Variants in LRRC45 observed in about 807,000 individuals in gnomAD.
The protein encoded by LRRC45 is leucine rich repeat containing 45, also known as leucine-rich repeat-containing protein 45.
In LRRC45, 73 loss-of-function variants were observed where a neutral mutation model predicts 85.4. The ratio of observed to expected loss-of-function variants is 0.85; its 90% CI spans 0.71 to 1.04. The LOEUF (loss-of-function observed/expected upper bound fraction) is 1.04, where lower values mean the gene tolerates loss of function less well. Ranked by LOEUF, LRRC45 falls within the 50% of genes least tolerant of loss-of-function variation. The probability of loss-of-function intolerance (pLI) is 0.00; values close to 1 mark genes in which losing one functional copy is unlikely to be tolerated. For missense variants in LRRC45, 937 were observed against 883.3 expected (o/e 1.06, Z -0.77); for synonymous variants, 429 against 386.0 (o/e 1.11, Z -1.31).
At position 82,026,564 on chromosome 17, in the gene LRRC45, T is replaced by TGTGTGTGTGTG. The variant is rs1555644848; in HGVS notation, c.662-335_662-334insGTGTGTGTGTG. 6.1e-3 allele frequency among the ~76,000 whole-genome samples: 839 copies of TGTGTGTGTGTG among 137,562 alleles called. 11 individuals carry two copies. The highest frequency in any genetic ancestry group is 0.022 in the African/African-American group (788 of 36,528). The allele number at this position is 137,562 out of a possible 152,430, so 90.2% of individuals were successfully genotyped here. ...GCAGCCCCGGGGTGACACAGCTCCT[T>TGTGTGTGTGTG]TGTGTGTGTGTGTGTGTGTGTGTGT... On this transcript the variant is annotated intron_variant, in intron 5 of 16. Transcript: ENST00000306688.
chr17:82,025,618 G>C, intron 5 of LRRC45, 111 bp downstream of exon 5: 7 of 1,341,922 alleles, frequency 5.2e-6, no homozygotes, highest in Non-Finnish European at 6.9e-6. Flanking sequence ...CAGCCTGAGA[G>C]CCCAGGGGAA....
chr17:82,028,112 A>G lies in LRRC45; in HGVS notation c.1013A>G (p.Gln338Arg), dbSNP rs2043384759. The change falls in exon 9 of 17, where the codon CAG becomes CGG. Residue 338 changes from glutamine (Q) to arginine (R), a missense_variant. Physicochemically the swap from Gln to Arg is conservative, Grantham distance 43. Transcript: ENST00000306688. ...TAEQEQLSLS[Q>R]RQAKELKLEQ... ...GAGCAGGAGCAGCTGAGCCTGTCAC[A>G]GAGGCAGGCCAAGGAGCTCAAGCTG... is the stretch of plus-strand genomic sequence containing the variant. 6.3e-7 allele frequency: 1 copy of G among 1,575,510 alleles called. No individual in the cohort carries two copies. The highest frequency in any genetic ancestry group is 8.6e-7 in the Non-Finnish European group (1 of 1,161,682).
At position 82,028,303 on chromosome 17, in the gene LRRC45, C is replaced by T; in HGVS notation, c.1117C>T (p.Gln373Ter). 1.9e-6 allele frequency: 3 copies of T among 1,593,394 alleles called. No individual in the cohort carries two copies. The highest frequency in any genetic ancestry group is 2.6e-6 in the Non-Finnish European group (3 of 1,170,772). Reference sequence around the variant, plus strand: ...TGCCAATGAAAAGAACCTGCTTCTGCAAAACCAGGTAGCTGTGGTGGATGG... The same window carrying T: ...TGCCAATGAAAAGAACCTGCTTCTGTAAAACCAGGTAGCTGTGGTGGATGG... ...SAANEKNLLL[Q>*]NQVDELERKF... The change falls in exon 10 of 17, where the codon CAA (glutamine) becomes TAA (stop). Residue 373 changes from glutamine to a stop codon, truncating the protein, a stop_gained. Coordinates refer to ENST00000306688, the MANE Select transcript of LRRC45 (RefSeq NM_144999.4). LOFTEE classifies it high-confidence loss of function.
At position 82,027,014 on chromosome 17, in the gene LRRC45, G is replaced by A. The variant is rs748862047; in HGVS notation, c.774+3G>A. 60 of 1,588,564 alleles carry A rather than the reference G, an allele frequency of 3.8e-5. No individual in the cohort carries two copies. In the Admixed American group the frequency reaches 1.0e-3, roughly 27 times the overall value. On this transcript the variant is annotated splice_donor_region_variant and intron_variant, in intron 6 of 16. Coordinates refer to ENST00000306688, the MANE Select transcript of LRRC45 (RefSeq NM_144999.4). Reference sequence around the variant, plus strand: ...TCCGGGAGGAGAAGTCCAAGCAGGTGAGGATGGCGCCTTCACTGACCTTGG... The same window carrying A: ...TCCGGGAGGAGAAGTCCAAGCAGGTAAGGATGGCGCCTTCACTGACCTTGG...
intron 16 of LRRC45, 49 bp downstream of exon 16, chr17:82,030,515 C>T (rs903236399): frequency 1.3e-6 from 2 of 1,524,970 alleles, no homozygotes; most frequent in Non-Finnish European, 1.8e-6. Context: ...GACGTGAGGC[C>T]AGCCAGAGAG....
chr17:82,027,732 A>T lies in LRRC45; in HGVS notation c.892A>T (p.Ile298Phe). ...AGCCCTGAATGAGAGGCACTCCATC[A>T]TCAACGCTCTCAAGGCCAAGTAAGT... ...QEALNERHSI[I>F]NALKAKLQMT... Residue 298 changes from isoleucine (I) to phenylalanine (F), a missense_variant, in exon 8 of 17, where the codon ATC becomes TTC. Coordinates refer to ENST00000306688, the MANE Select transcript of LRRC45 (RefSeq NM_144999.4). 6.2e-7 allele frequency: 1 copy of T among 1,611,182 alleles called. No homozygotes were observed. The highest frequency in any genetic ancestry group is 8.5e-7 in the Non-Finnish European group (1 of 1,179,252).
At chr17:82,026,311 C>T (rs2043367302) in intron 5 of LRRC45, among the ~76,000 whole-genome samples, 1 of 152,210 alleles carries the variant, frequency 6.6e-6, no homozygotes, top group Non-Finnish European at 1.5e-5. Flanking sequence ...ATGGCCCTTG[C>T]CTTTTGCGGT....
chr17:82,031,071 C>T lies in LRRC45; in HGVS notation c.*266C>T, dbSNP rs1350572624. 2.6e-6 allele frequency: 1 copy of T among 381,952 alleles called. No individual in the cohort carries two copies. Among genetic ancestry groups the T allele is most frequent in the Non-Finnish European group, 4.6e-6 (1 of 215,616 alleles). The allele number at this position is 381,952 out of a possible 1,614,324, so 23.7% of individuals were successfully genotyped here. A position where few individuals can be genotyped will look rare whatever the true frequency, so the allele number is the denominator to read the frequency against. On this transcript the variant is annotated 3_prime_UTR_variant, in exon 17 of 17. Transcript: ENST00000306688. The stretch of plus-strand genomic sequence containing the variant: ...TCCCGCGGGCGCGTCTCCCCCTCGC[C>T]TTTTGCGATGTCACCGTGAACGCTG...
rs372551546 is a variant in LRRC45 at position 82,025,089 on chromosome 17, G to A, written c.443G>A (p.Arg148Gln). ...CTGGCGGCCAACGGCGCCCTGCAGC[G>A]GCTGGACCTCCGCAACAACCAGATC... ...GGLAANGALQ[R>Q]LDLRNNQISH... Residue 148 changes from arginine (R) to glutamine (Q), a missense_variant, in exon 4 of 17, where the codon CGG becomes CAG. Coordinates refer to ENST00000306688, the MANE Select transcript of LRRC45 (RefSeq NM_144999.4). 32 of 1,610,694 alleles carry A rather than the reference G, an allele frequency of 2.0e-5. No homozygotes were observed. The highest frequency in any genetic ancestry group is 1.7e-4 in the Middle Eastern group (1 of 6,046).
rs1247149451 is a variant in LRRC45, at chr17:82,024,908, A to G, written c.354-92A>G. ...CAGGGGTAGGCAGAGGCTCCGGCCC[A>G]TCAGACCCCAAGCCCACACCCGTCC... On this transcript the variant is annotated intron_variant, in intron 3 of 16. Coordinates refer to ENST00000306688, the MANE Select transcript of LRRC45 (RefSeq NM_144999.4). 4.2e-6 allele frequency: 6 copies of G among 1,444,876 alleles called. No homozygotes were observed. In the East Asian group the frequency reaches 1.5e-4, roughly 37 times the overall value. The allele number at this position is 1,444,876 out of a possible 1,614,324, so 89.5% of individuals were successfully genotyped here.
At chr17:82,025,222 G>A in intron 4 of LRRC45, 44 bp downstream of exon 4, 1 of 1,551,454 alleles carries the variant, frequency 6.4e-7, no homozygotes, top group Non-Finnish European at 8.7e-7. Flanking sequence ...TCCCTCTGAG[G>A]CTGCCTCTGC....
Position 82,030,165 on chromosome 17 carries a change from A to G in LRRC45, c.1595A>G (p.Glu532Gly). ...ACLQQKQVVA[E>G]AQTRVSQLGL... ...CTACAGCAGAAGCAGGTGGTGGCCG[A>G]GGCCCAGACCCGGGTCAGCCAGCTG... Residue 532 changes from glutamate to glycine, a missense_variant, in exon 15 of 17, where the codon GAG (glutamate) becomes GGG (glycine). Transcript: ENST00000306688. 6.5e-7 allele frequency: 1 copy of G among 1,546,996 alleles called. No individual in the cohort carries two copies. Among genetic ancestry groups the G allele is most frequent in the Middle Eastern group, 1.8e-4 (1 of 5,548 alleles).
intron 3 of LRRC45, 49 bp downstream of exon 3, chr17:82,024,812 T>TGGCCCCGAGCACATGC: frequency 3.9e-6 from 6 of 1,543,666 alleles, no homozygotes; most frequent in Non-Finnish European, 5.2e-6. Flanking sequence ...GGTTGAGGAT[T>TGGCCCCGAGCACATGC]GGCCCCGAGC....
chr17:82,027,010 A>G lies in LRRC45; in HGVS notation c.773A>G (p.Gln258Arg). The G allele has an allele frequency of 6.3e-6, 10 of 1,593,576 alleles. No individual in the cohort carries two copies. The highest frequency in any genetic ancestry group is 8.5e-6 in the Non-Finnish European group (10 of 1,173,486). The change falls in exon 6 of 17, where the codon CAG becomes CGG. Residue 258 changes from glutamine to arginine, a missense_variant and splice_region_variant. By Grantham distance (43) the Gln-to-Arg change is conservative. Coordinates refer to ENST00000306688, the MANE Select transcript of LRRC45 (RefSeq NM_144999.4). ...VQHLREEKSKQFLDLMETIDK... is the reference protein window; with the variant it reads ...VQHLREEKSKRFLDLMETIDK... ...CACCTCCGGGAGGAGAAGTCCAAGC[A>G]GGTGAGGATGGCGCCTTCACTGACC...
chr17:82,030,664 TCTCCGGGAGAAGCTGCGG>T lies in LRRC45; in HGVS notation c.1882_1899del (p.Lys628_Glu633del). 1 of 1,442,344 alleles carries T rather than the reference TCTCCGGGAGAAGCTGCGG, an allele frequency of 6.9e-7. No individual in the cohort carries two copies. The highest frequency in any genetic ancestry group is 9.2e-7 in the Non-Finnish European group (1 of 1,088,320). The allele number at this position is 1,442,344 out of a possible 1,614,324, so 89.3% of individuals were successfully genotyped here. A position where few individuals can be genotyped will look rare whatever the true frequency, so the allele number is the denominator to read the frequency against. On this transcript the variant is annotated inframe_deletion, in exon 17 of 17. Coordinates refer to ENST00000306688, the MANE Select transcript of LRRC45 (RefSeq NM_144999.4). ...TGGACAGGGAGAGCGAGAACGCGTCTCTCCGGGAGAAGCTGCGGCTCCGGGAGGCGGAGATCGCCCGCA... is the reference window on the plus strand; with the variant it reads ...TGGACAGGGAGAGCGAGAACGCGTCTCTCCGGGAGGCGGAGATCGCCCGCA...
At chr17:82,029,761 C>A in intron 14 of LRRC45, 126 bp downstream of exon 14, 1 of 931,408 alleles carries the variant, frequency 1.1e-6, no homozygotes, top group Non-Finnish European at 1.7e-6. Flanking sequence ...CAGATGAGCA[C>A]ACCCTGGACA....
intron 2 of LRRC45, 76 bp downstream of exon 2, chr17:82,024,415 G>A (rs562407195): frequency 9.0e-6 from 14 of 1,548,974 alleles, no homozygotes; most frequent in Non-Finnish European, 1.2e-5. Context: ...GCCAGGTCTC[G>A]GGGGCCTGGG....
chr17:82,025,078 C>T lies in LRRC45; in HGVS notation c.432C>T (p.Gly144=), dbSNP rs773432433. ...TCTGCGGGGGCCTGGCGGCCAACGG[C>T]GCCCTGCAGCGGCTGGACCTCCGCA... ...ATFCGGLAAN[G]ALQRLDLRNN... The change falls in exon 4 of 17, where the codon GGC becomes GGT. Residue 144 remains glycine (G), a synonymous_variant. Transcript: ENST00000306688. 5.3e-5 allele frequency: 85 copies of T among 1,609,834 alleles called. 1 individual carries two copies. The South Asian group carries it at 6.1e-4, about 11-fold the overall frequency.
intron 5 of LRRC45, 88 bp from the exon 6 acceptor site, chr17:82,026,811 C>G (rs745738255): frequency 9.8e-7 from 1 of 1,016,978 alleles, no homozygotes; most frequent in Admixed American, 2.0e-5. Flanking sequence ...AACCCCTGAC[C>G]TCAGGTGATC....
Sources: gnomAD v4.1 joint callset for allele counts (sites outside exome capture counted in the v4.1 genomes callset) on GRCh38, gnomAD v4.1.1 for gene constraint, MANE v1.5 for transcripts, NCBI Gene and HGNC (gene_info 2026-07-23, HGNC 2026-07-21) for gene names.